WDR93: variants seen among roughly 807,000 people sequenced by gnomAD.
WDR93 encodes the protein WD repeat domain 93, also known as WD repeat-containing protein 93.
In WDR93, 73 loss-of-function variants were observed where a neutral mutation model predicts 82.9. That is an observed-to-expected ratio of 0.88 (90% CI 0.73 to 1.07). WDR93 has a LOEUF of 1.07. Among genes scored for constraint, WDR93 ranks in the 50% least tolerant of loss-of-function variants. The pLI is 0.00. For synonymous variants in WDR93, 283 were observed against 300.1 expected (o/e 0.94, Z 0.59); for missense variants, 738 against 826.0 (o/e 0.89, Z 1.31).
Position 89,732,806 on chromosome 15 carries a change from CACAGCAGCATT to C in WDR93, c.1331-199_1331-189del, listed in dbSNP as rs769395402. Reference sequence around the variant, plus strand: ...TCCCCCTCCCCAATTCCTCTCCAGACACAGCAGCATTCCCCTGCAGGGGGCTTTTCTCTCCC... The same window carrying C: ...TCCCCCTCCCCAATTCCTCTCCAGACCCCCTGCAGGGGGCTTTTCTCTCCC... On this transcript the variant is annotated intron_variant, in intron 12 of 16. Coordinates refer to ENST00000268130, the MANE Select transcript of WDR93 (RefSeq NM_020212.2). 2.5e-3 allele frequency among the ~76,000 whole-genome samples: 381 copies of C among 152,294 alleles called. 4 individuals carry two copies. The highest frequency in any genetic ancestry group is 2.7e-3 in the Admixed American group (41 of 15,298).
At chr15:89,721,977 C>G (rs1479840661) in intron 7 of WDR93, 78 bp from the exon 8 acceptor site, 16 of 976,532 alleles carry the variant, frequency 1.6e-5, no homozygotes, top group Non-Finnish European at 2.4e-5. Flanking sequence ...TTTCCACCTT[C>G]TTTTAAAATT....
chr15:89,737,932 T>C, intron 15 of WDR93, 109 bp from the exon 16 acceptor site: 1 of 1,363,536 alleles, frequency 7.3e-7, no homozygotes, highest in South Asian at 1.4e-5. Context: ...TCAACCCAGA[T>C]GACCCAGCCT....
At chr15:89,732,642 C>G (rs1567126863) in intron 12 of WDR93, among the ~76,000 whole-genome samples, 2 of 151,012 alleles carry the variant, frequency 1.3e-5, no homozygotes, top group African/African-American at 4.9e-5. Flanking sequence ...CACACACACA[C>G]CGCCTTTTCT....
chr15:89,734,534 A>G lies in WDR93; in HGVS notation c.1545-956A>G, dbSNP rs190384715. Among the ~76,000 whole-genome samples, 65 of 152,340 alleles carry G rather than the reference A, an allele frequency of 4.3e-4. 1 individual carries two copies. The highest frequency in any genetic ancestry group is 1.4e-3 in the African/African-American group (59 of 41,580). On this transcript the variant is annotated intron_variant, in intron 13 of 16. Coordinates refer to ENST00000268130, the MANE Select transcript of WDR93 (RefSeq NM_020212.2). ...CTCATGTTACATTTGCTAATGTCCC[A>G]TTGGGCAAAGCACATCCCACATCCA...
intron 4 of WDR93, 32 bp downstream of exon 4, chr15:89,705,650 C>T: frequency 7.4e-7 from 1 of 1,359,178 alleles, no homozygotes; most frequent in Non-Finnish European, 1.1e-6. Context: ...ATTAGCTGGG[C>T]CAAAAGCTGT....
chr15:89,700,308 TC>T (rs1274108712), intron 1 of WDR93, among the ~76,000 whole-genome samples: 1 of 152,006 alleles, frequency 6.6e-6, no homozygotes, highest in Non-Finnish European at 1.5e-5. Flanking sequence ...AGGTGGTTCT[TC>T]CCCCAGTGTC....
intron 16 of WDR93, among the ~76,000 whole-genome samples, chr15:89,742,437 C>T (rs1034306637): frequency 6.6e-6 from 1 of 152,070 alleles, no homozygotes; most frequent in African/African-American, 2.4e-5. Context: ...CCCTGCTAAG[C>T]GTGCCCGTCT....
At chr15:89,725,155 A>G (rs1966683750) in intron 8 of WDR93, among the ~76,000 whole-genome samples, 2 of 152,226 alleles carry the variant, frequency 1.3e-5, no homozygotes, top group Non-Finnish European at 2.9e-5. Context: ...TAGTGACATG[A>G]TTTTTAATAG....
intron 16 of WDR93, among the ~76,000 whole-genome samples, chr15:89,739,457 T>C (rs1228547253): frequency 6.6e-6 from 1 of 152,228 alleles, no homozygotes; most frequent in African/African-American, 2.4e-5. Context: ...CCCCTTCCTC[T>C]TTCCACTCTC....
At chr15:89,732,615 C>CCGCACA (rs150979308) in intron 12 of WDR93, among the ~76,000 whole-genome samples, 2 of 148,464 alleles carry the variant, frequency 1.3e-5, no homozygotes, top group African/African-American at 4.9e-5. Context: ...TGTTGTTTGG[C>CCGCACA]CACACACACA....
intron 8 of WDR93, among the ~76,000 whole-genome samples, chr15:89,722,447 T>C (rs1966564498): frequency 6.6e-6 from 1 of 152,236 alleles, no homozygotes; most frequent in Admixed American, 6.5e-5. Flanking sequence ...CTGCTAGTTG[T>C]AATACATTCA....
chr15:89,711,297 G>A (rs934818296), intron 4 of WDR93, among the ~76,000 whole-genome samples: 3 of 152,002 alleles, frequency 2.0e-5, no homozygotes, highest in Admixed American at 6.6e-5. Context: ...CAAATGACAC[G>A]GTTTCTTCAA....
intron 11 of WDR93, 25 bp from the exon 12 acceptor site, chr15:89,731,418 G>A (rs1017528077): frequency 1.6e-5 from 26 of 1,613,084 alleles, no homozygotes; most frequent in East Asian, 2.2e-5. Flanking sequence ...TGGGGGAACC[G>A]GTTGAGTATT....
intron 16 of WDR93, 96 bp from the exon 17 acceptor site, chr15:89,743,196 C>A: frequency 8.2e-7 from 1 of 1,225,196 alleles, no homozygotes; most frequent in South Asian, 1.2e-5. Context: ...CTTAGAGTTT[C>A]TCATAGGAGC....
intron 1 of WDR93, among the ~76,000 whole-genome samples, chr15:89,697,892 TTTTTTGAGACGGAG>T (rs2141585167): frequency 6.6e-6 from 1 of 150,644 alleles, no homozygotes; most frequent in East Asian, 1.9e-4. Flanking sequence ...TTTTTTTTTT[TTTTTTGAGACGGAG>T]TCTCTCTCTG....
chr15:89,710,299 A>G (rs528376053), intron 4 of WDR93, among the ~76,000 whole-genome samples: 296 of 152,362 alleles, frequency 1.9e-3, no homozygotes, highest in African/African-American at 6.8e-3. Context: ...ATGAAACTCA[A>G]AAACATCAAG....
intron 1 of WDR93, among the ~76,000 whole-genome samples, chr15:89,691,699 G>A (rs1309941954): frequency 1.3e-5 from 2 of 151,262 alleles, no homozygotes; most frequent in African/African-American, 4.9e-5. Context: ...CAGCCTGGGC[G>A]ACAGAGCGAG....
At position 89,738,236 on chromosome 15, in the gene WDR93, G is replaced by A. The variant is rs747762527; in HGVS notation, c.1961G>A (p.Ser654Asn). The part of the protein sequence containing the change: ...EKRCERFLQK[S>N]YRKLEKNPEK... ...AGATGTGAGCGTTTCCTCCAGAAGA[G>A]GTAAAGAGCTCTGTGTCTTCACCCC... Residue 654 changes from serine to asparagine, a missense_variant and splice_region_variant, in exon 16 of 17, where the codon AGC becomes AAC. Ser to Asn is a conservative substitution (Grantham distance 46). Transcript: ENST00000268130. 7 of 1,599,552 alleles carry A rather than the reference G, an allele frequency of 4.4e-6. No individual in the cohort carries two copies. The South Asian group carries it at 7.9e-5, about 18-fold the overall frequency.
intron 7 of WDR93, 93 bp from the exon 8 acceptor site, chr15:89,721,958 TCCCC>T: frequency 3.7e-6 from 3 of 810,110 alleles, no homozygotes; most frequent in African/African-American, 3.5e-5. Context: ...TTTTTCTTTT[TCCCC>T]TTCTTTTCCA....
Sources: allele counts gnomAD v4.1 joint callset (sites outside exome capture counted in the v4.1 genomes callset), GRCh38; gene constraint gnomAD v4.1.1; transcripts MANE v1.5; gene names NCBI Gene and HGNC (gene_info 2026-07-23, HGNC 2026-07-21).